Variants in RNF207 observed in about 807,000 individuals in gnomAD.
The protein encoded by RNF207 is OTTHUMG00000001089.
Under a neutral mutation model 79.0 loss-of-function variants are expected in RNF207, and 72 were observed. The observed-to-expected ratio is 0.91, with a 90% CI of 0.75 to 1.11. RNF207 has a LOEUF of 1.11. RNF207 is among the 50% of genes least tolerant of loss of function. The pLI, the probability that RNF207 is intolerant of heterozygous loss-of-function variation, is 0.00. For synonymous variants in RNF207, 348 were observed against 366.2 expected (o/e 0.95, Z 0.57); for missense variants, 936 against 855.8 (o/e 1.09, Z -1.17).
intron 16 of RNF207, among the ~76,000 whole-genome samples, chr1:6,216,567 T>TA (rs1376913538): frequency 1.3e-5 from 2 of 151,316 alleles, no homozygotes; most frequent in Non-Finnish European, 3.0e-5. Context: ...TTCATCTTTT[T>TA]TTTTTTTTTT....
At chr1:6,209,074 G>A in intron 4 of RNF207, 41 bp from the exon 5 acceptor site, 1 of 1,538,550 alleles carries the variant, frequency 6.5e-7, no homozygotes, top group African/African-American at 1.4e-5. Context: ...GGCGGGGCGG[G>A]CACTGACCGG....
In RNF207 at chr1:6,217,972, G is replaced by C. The variant is rs116461418; in HGVS notation, c.1653-317G>C. On this transcript the variant is annotated intron_variant, in intron 16 of 17. Coordinates refer to ENST00000377939, the MANE Select transcript of RNF207 (RefSeq NM_207396.3). The surrounding 1 kb of genome is among the most constrained non-coding windows in gnomAD (Gnocchi z 4.2). ...CGGGCCCCAGCTTGGATGAGTGTCA[G>C]CAGAGGCCCTCCCCACTCCACCTGG... Among the ~76,000 whole-genome samples, 2,357 of 152,292 alleles carry C rather than the reference G, an allele frequency of 0.015. 76 individuals are homozygous for C. Among genetic ancestry groups the C allele is most frequent in the African/African-American group, 0.055 (2,286 of 41,556 alleles).
Position 6,214,918 on chromosome 1 carries a change from C to T in RNF207, c.1652+1735C>T, listed in dbSNP as rs967951997. Reference sequence around the variant, plus strand: ...CCAAAGTGCTGGGCATGAGCCACCACGCCCAGCCTCTTTTTCAATTTGTTG... The same window carrying T: ...CCAAAGTGCTGGGCATGAGCCACCATGCCCAGCCTCTTTTTCAATTTGTTG... On this transcript the variant is annotated intron_variant, in intron 16 of 17. Coordinates refer to ENST00000377939, the MANE Select transcript of RNF207 (RefSeq NM_207396.3). Among the ~76,000 whole-genome samples the T allele has an allele frequency of 3.9e-5, 6 of 152,046 alleles. No homozygotes were observed. The East Asian group carries it at 9.7e-4, about 25-fold the overall frequency.
intron 16 of RNF207, among the ~76,000 whole-genome samples, chr1:6,215,115 G>A (rs1233540978): frequency 3.3e-5 from 5 of 149,800 alleles, no homozygotes; most frequent in Admixed American, 6.7e-5. Context: ...CACAACCTCC[G>A]CCTACTTGGT....
rs373270445 is a variant in RNF207, at chr1:6,212,011, G to A, written c.1254G>A (p.Thr418=). ...TKVLLAEGEN[T]PFAEHCRHYE... is the part of the protein sequence containing the mutation. ...TGCTGCTGGCGGAGGGCGAGAACAC[G>A]CCCTTCGCAGAGCACTGCCGCCACT... The change falls in exon 13 of 18, where the codon ACG becomes ACA. Residue 418 remains threonine (T), a synonymous_variant. Transcript: ENST00000377939. The A allele has an allele frequency of 1.9e-5, 30 of 1,592,706 alleles. No homozygotes were observed. The highest frequency in any genetic ancestry group is 2.3e-5 in the Non-Finnish European group (27 of 1,170,824).
chr1:6,208,725 C>T, intron 3 of RNF207, 156 bp from the exon 4 acceptor site: 1 of 724,350 alleles, frequency 1.4e-6, no homozygotes, highest in Non-Finnish European at 2.2e-6. Flanking sequence ...GTGGGTATAT[C>T]AGAGCGCCAA....
At chr1:6,210,009 T>C in intron 8 of RNF207, 39 bp downstream of exon 8, 1 of 1,534,844 alleles carries the variant, frequency 6.5e-7, no homozygotes. Flanking sequence ...CCTTACCCCT[T>C]GGCCTCCATG....
Position 6,210,216 on chromosome 1 carries a change from C to G in RNF207, c.801-7C>G. On this transcript the variant is annotated splice_region_variant and splice_polypyrimidine_tract_variant and intron_variant, in intron 8 of 17. Coordinates refer to ENST00000377939, the MANE Select transcript of RNF207 (RefSeq NM_207396.3). ...CCCCTGGAAACCAGGCAGCCCCCCTCCCCCAGCCAATACGAAGAGAAGGAC... is the reference window on the plus strand; with the variant it reads ...CCCCTGGAAACCAGGCAGCCCCCCTGCCCCAGCCAATACGAAGAGAAGGAC... The G allele has an allele frequency of 6.2e-7, 1 of 1,612,440 alleles. No individual in the cohort carries two copies.
At chr1:6,214,313 T>A (rs1316394967) in intron 16 of RNF207, among the ~76,000 whole-genome samples, 2 of 152,232 alleles carry the variant, frequency 1.3e-5, no homozygotes, top group African/African-American at 4.8e-5. Context: ...GAGATTTCAC[T>A]TTGGTGAGAG....
chr1:6,207,545 A>G lies in RNF207; in HGVS notation c.324+34A>G. The G allele has an allele frequency of 6.4e-7, 1 of 1,574,514 alleles. No individual in the cohort carries two copies. ...GGCAGGGCGGGTGGGTGAGGAGCAG[A>G]GGGTACCCGGTTGCACAGTCCCCAA... On this transcript the variant is annotated intron_variant, in intron 3 of 17. Transcript: ENST00000377939. This position sits in a 1 kb window ranked among gnomAD's most constrained non-coding sequence, Gnocchi z 4.5.
rs913099557 is a variant in RNF207 at position 6,207,221 on chromosome 1, G to A, written c.192-158G>A. Reference sequence around the variant, plus strand: ...GGGCAAGGGTAGGGACCAGGGCAGGGTGAGTGCTGGCTGTGATATTTATAG... The same window carrying A: ...GGGCAAGGGTAGGGACCAGGGCAGGATGAGTGCTGGCTGTGATATTTATAG... On this transcript the variant is annotated intron_variant, in intron 2 of 17. Transcript: ENST00000377939. The surrounding 1 kb of genome is among the most constrained non-coding windows in gnomAD (Gnocchi z 4.5). Among the ~76,000 whole-genome samples the A allele has an allele frequency of 3.3e-5, 5 of 152,176 alleles. No individual in the cohort carries two copies. Among genetic ancestry groups the A allele is most frequent in the Admixed American group, 3.3e-4 (5 of 15,280 alleles).
At chr1:6,212,503 T>C (rs2100936840) in intron 14 of RNF207, 87 bp downstream of exon 14, 1 of 1,370,024 alleles carries the variant, frequency 7.3e-7, no homozygotes, top group South Asian at 1.3e-5. Flanking sequence ...AAAGAGGACC[T>C]GGCCTGTACC....
At position 6,217,721 on chromosome 1, in the gene RNF207, G is replaced by A. The variant is rs1428917914; in HGVS notation, c.1653-568G>A. ...TGCTCCCCTGAATCCAGATCATCAT[G>A]GCCAACCCTCCTACCCCTCCAGCCG... On this transcript the variant is annotated intron_variant, in intron 16 of 17. Transcript: ENST00000377939. This position sits in a 1 kb window ranked among gnomAD's most constrained non-coding sequence, Gnocchi z 4.2. Among the ~76,000 whole-genome samples the A allele has an allele frequency of 1.3e-5, 2 of 152,056 alleles. No homozygotes were observed. The highest frequency in any genetic ancestry group is 2.9e-5 in the Non-Finnish European group (2 of 68,016).
chr1:6,213,712 C>A (rs111668604), intron 16 of RNF207, among the ~76,000 whole-genome samples: 8 of 152,150 alleles, frequency 5.3e-5, no homozygotes, highest in Non-Finnish European at 1.2e-4. Context: ...AAGGGTGTCA[C>A]GAGGGTCCTG....
rs1668192904 is a variant in RNF207 at position 6,212,063 on chromosome 1, C to T, written c.1296+10C>T. 2 of 1,584,800 alleles carry T rather than the reference C, an allele frequency of 1.3e-6. No homozygotes were observed. The highest frequency in any genetic ancestry group is 1.4e-5 in the African/African-American group (1 of 71,438). On this transcript the variant is annotated intron_variant, in intron 13 of 17. Coordinates refer to ENST00000377939, the MANE Select transcript of RNF207 (RefSeq NM_207396.3). ...TGAGGACTCCTACCGGGTGAGGGGG[C>T]AGGGATCTGCCGGAGGGGGGAGATG...
intron 5 of RNF207, 27 bp downstream of exon 5, chr1:6,209,223 G>C: frequency 1.3e-6 from 2 of 1,550,452 alleles, no homozygotes; most frequent in Non-Finnish European, 1.7e-6. Flanking sequence ...CGAGGGGAGG[G>C]GGCTGGGGGC....
At position 6,209,023 on chromosome 1, in the gene RNF207, G is replaced by A. The variant is rs1668032427; in HGVS notation, c.467G>A (p.Cys156Tyr). 1 of 1,534,450 alleles carries A rather than the reference G, an allele frequency of 6.5e-7. No individual in the cohort carries two copies. Among genetic ancestry groups the A allele is most frequent in the South Asian group, 1.2e-5 (1 of 83,730 alleles). ...GQRSRDVPQK[C>Y]TLHAEPYLLF... is the part of the protein sequence containing the mutation. ...CGAAGCCGCGACGTGCCCCAGAAGT[G>A]CAGTGAGTGAGGCTTGCGGGGCCGG... Residue 156 changes from cysteine to tyrosine, a missense_variant and splice_region_variant, in exon 4 of 18, where the codon TGC becomes TAC. Transcript: ENST00000377939.
intron 17 of RNF207, 36 bp downstream of exon 17, chr1:6,218,405 G>C (rs750001431): frequency 1.3e-6 from 2 of 1,492,018 alleles, no homozygotes; most frequent in Non-Finnish European, 1.9e-6. Flanking sequence ...GTGTGCACGC[G>C]ATGTGGCTTC....
rs1489911758 is a variant in RNF207 at position 6,210,162 on chromosome 1, G to A, written c.801-61G>A. The A allele has an allele frequency of 1.6e-5, 24 of 1,462,494 alleles. No homozygotes were observed. In the East Asian group the frequency reaches 4.1e-4, roughly 25 times the overall value. 90.6% of individuals were successfully genotyped at this position (1,462,494 alleles called of 1,614,324 possible). ...ACATGCGAAGCTGGAGGCGGGTGGG[G>A]GATGGAACTGCCCGGCCCTGCTCCT... is the stretch of plus-strand genomic sequence containing the variant. On this transcript the variant is annotated intron_variant, in intron 8 of 17. Transcript: ENST00000377939.
Sources: gnomAD v4.1 joint callset for allele counts (sites outside exome capture counted in the v4.1 genomes callset) on GRCh38, gnomAD v4.1.1 for gene constraint, Gnocchi (gnomAD v3.1) non-coding constraint, MANE v1.5 for transcripts, NCBI Gene and HGNC (gene_info 2026-07-23, HGNC 2026-07-21) for gene names.